The following FUT9 variants were observed in gnomAD, a reference collection of about 807,000 sequenced individuals.
The protein encoded by FUT9 is fucosyltransferase 9.
Under a neutral mutation model 29.7 loss-of-function variants are expected in FUT9, and 15 were observed. The ratio of observed to expected loss-of-function variants is 0.51; its 90% CI spans 0.34 to 0.78. The LOEUF is 0.78. Ranked by LOEUF, FUT9 falls within the 30% of genes least tolerant of loss-of-function variation. The pLI is 0.01. For missense variants in FUT9, 319 were observed against 425.4 expected (o/e 0.75, Z 2.20); for synonymous variants, 169 against 153.7 (o/e 1.10, Z -0.74).
intron 2 of FUT9, among the ~76,000 whole-genome samples, chr6:96,142,961 T>C (rs1772492212): frequency 6.6e-6 from 1 of 152,162 alleles, no homozygotes; most frequent in Non-Finnish European, 1.5e-5. Flanking sequence ...GATTATATCA[T>C]GGGTATCTTC....
At chr6:96,073,192 C>T (rs11758185) in intron 1 of FUT9, among the ~76,000 whole-genome samples, 41,091 of 151,902 alleles carry the variant, frequency 0.27, 6,384 homozygotes, top group Non-Finnish European at 0.34. Flanking sequence ...GGCTCATGCC[C>T]GTAATCTCAG....
At chr6:96,162,892 G>A (rs1204592978) in intron 2 of FUT9, among the ~76,000 whole-genome samples, 1 of 152,196 alleles carries the variant, frequency 6.6e-6, no homozygotes, top group Admixed American at 6.5e-5. Flanking sequence ...ATTCAGGAAG[G>A]CTAGAAGATG....
chr6:96,087,052 A>G (rs1771327714), intron 1 of FUT9, among the ~76,000 whole-genome samples: 1 of 152,092 alleles, frequency 6.6e-6, no homozygotes. Flanking sequence ...ATGGGTGAAG[A>G]CCAGTTCTTA....
At chr6:96,154,735 G>A (rs1256415174) in intron 2 of FUT9, among the ~76,000 whole-genome samples, 5 of 152,186 alleles carry the variant, frequency 3.3e-5, no homozygotes, top group Non-Finnish European at 5.9e-5. Context: ...TAAAAAGAAT[G>A]TCTTAGATTA....
intron 1 of FUT9, among the ~76,000 whole-genome samples, chr6:96,078,213 T>C (rs1245376339): frequency 6.6e-6 from 1 of 151,998 alleles, no homozygotes; most frequent in Non-Finnish European, 1.5e-5. Context: ...GTTTTTCAAA[T>C]TTTCTACTGG....
intron 2 of FUT9, among the ~76,000 whole-genome samples, chr6:96,168,563 A>G (rs564368776): frequency 6.6e-6 from 1 of 152,190 alleles, no homozygotes; most frequent in Non-Finnish European, 1.5e-5. Flanking sequence ...CTGAGAATTG[A>G]CCATTAAACT....
intron 2 of FUT9, among the ~76,000 whole-genome samples, chr6:96,163,314 A>G (rs1772948633): frequency 7.3e-6 from 1 of 137,438 alleles, no homozygotes; most frequent in African/African-American, 2.6e-5. Flanking sequence ...GAGTCTTGCT[A>G]TGTTTACCAG....
At chr6:96,026,197 G>T (rs1354021704) in intron 1 of FUT9, among the ~76,000 whole-genome samples, 1 of 151,670 alleles carries the variant, frequency 6.6e-6, no homozygotes, top group Non-Finnish European at 1.5e-5. Context: ...TCCCAGTAGT[G>T]ACAAAAGACT....
intron 2 of FUT9, among the ~76,000 whole-genome samples, chr6:96,142,828 T>G (rs1233368565): frequency 6.6e-6 from 1 of 152,090 alleles, no homozygotes; most frequent in Non-Finnish European, 1.5e-5. Flanking sequence ...TAATATAGGT[T>G]TCTTATTTTT....
At chr6:96,185,552 T>C (rs1194662702) in intron 2 of FUT9, among the ~76,000 whole-genome samples, 1 of 152,066 alleles carries the variant, frequency 6.6e-6, no homozygotes, top group Non-Finnish European at 1.5e-5. Flanking sequence ...ATTTAAACTC[T>C]GATAGAAAAC....
At chr6:96,065,132 C>T (rs1337970821) in intron 1 of FUT9, among the ~76,000 whole-genome samples, 11 of 152,042 alleles carry the variant, frequency 7.2e-5, no homozygotes, top group South Asian at 2.1e-4. Context: ...ACTAGTGTCA[C>T]GTCGTAACTC....
intron 2 of FUT9, among the ~76,000 whole-genome samples, chr6:96,184,497 G>C (rs1219338267): frequency 6.6e-6 from 1 of 151,650 alleles, no homozygotes; most frequent in African/African-American, 2.4e-5. Flanking sequence ...TTCTGGGTTT[G>C]GGTTTGGTTT....
At chr6:96,021,877 T>C (rs899045872) in intron 1 of FUT9, among the ~76,000 whole-genome samples, 2 of 152,056 alleles carry the variant, frequency 1.3e-5, no homozygotes, top group African/African-American at 2.4e-5. Context: ...ACCTGAATTA[T>C]ACTATAGTAG....
intron 2 of FUT9, among the ~76,000 whole-genome samples, chr6:96,114,644 T>G (rs918261855): frequency 2.6e-5 from 4 of 151,374 alleles, no homozygotes; most frequent in Middle Eastern, 3.2e-3. Context: ...ATATGTAATT[T>G]ATTTAATAAG....
At chr6:96,197,247 G>C (rs780058511) in intron 2 of FUT9, among the ~76,000 whole-genome samples, 2 of 152,194 alleles carry the variant, frequency 1.3e-5, no homozygotes, top group African/African-American at 2.4e-5. Flanking sequence ...TTACCAGAGA[G>C]AGTTCTGAGG....
intron 1 of FUT9, among the ~76,000 whole-genome samples, chr6:96,065,563 A>G (rs1175699408): frequency 2.0e-5 from 3 of 152,042 alleles, no homozygotes; most frequent in Non-Finnish European, 4.4e-5. Context: ...TATCTCTTTA[A>G]GCTCCAAGTC....
intron 2 of FUT9, among the ~76,000 whole-genome samples, chr6:96,130,284 T>C (rs568078075): frequency 2.0e-5 from 3 of 152,272 alleles, no homozygotes; most frequent in East Asian, 1.9e-4. Flanking sequence ...AGTTGTTATG[T>C]AATTTTATAA....
intron 1 of FUT9, among the ~76,000 whole-genome samples, chr6:96,112,870 T>C (rs184359239): frequency 2.0e-5 from 3 of 152,332 alleles, no homozygotes; most frequent in Non-Finnish European, 4.4e-5. Context: ...AGTTATTCCA[T>C]AGTTTAAAGA....
chr6:96,183,870 T>A (rs554123166), intron 2 of FUT9, among the ~76,000 whole-genome samples: 3 of 152,264 alleles, frequency 2.0e-5, no homozygotes, highest in African/African-American at 7.2e-5. Context: ...GAATTTTGCA[T>A]CTATGTTCTT....
Sources: allele counts gnomAD v4.1 joint callset (sites outside exome capture counted in the v4.1 genomes callset), GRCh38; gene constraint gnomAD v4.1.1; transcripts MANE v1.5; gene names NCBI Gene and HGNC (gene_info 2026-07-23, HGNC 2026-07-21).